Variants in ANKRD11 observed in about 807,000 individuals in gnomAD.
ANKRD11 encodes the protein ankyrin repeat domain 11.
In ANKRD11, 17 loss-of-function variants were observed where a neutral mutation model predicts 195.7. The observed-to-expected ratio is 0.09, with a 90% CI of 0.06 to 0.13. The LOEUF is 0.13. ANKRD11 is among the 10% of genes least tolerant of loss of function. The pLI is 1.00. For missense variants in ANKRD11, 3,735 were observed against 3,566.1 expected, an observed-to-expected ratio of 1.05 and a Z score of -1.21; for synonymous variants, 1,953 against 1,528.1, an observed-to-expected ratio of 1.28 and a Z score of -6.49.
At position 89,479,365 on chromosome 16, in the gene ANKRD11, G is replaced by A. The variant is rs140183536; in HGVS notation, c.-145+10880C>T. Among the ~76,000 whole-genome samples the A allele has an allele frequency of 3.2e-3, 481 of 152,256 alleles. 3 individuals are homozygous for A. The highest frequency in any genetic ancestry group is 0.011 in the African/African-American group (450 of 41,560). On this transcript the variant is annotated intron_variant, in intron 1 of 12. Transcript: ENST00000301030. ...AAAAATATCTAGGCCTGGCGCAGTGGCTCACACCTGCAATCCCAGCACTTA... is the reference window on the plus strand; with the variant it reads ...AAAAATATCTAGGCCTGGCGCAGTGACTCACACCTGCAATCCCAGCACTTA...
intron 2 of ANKRD11, among the ~76,000 whole-genome samples, chr16:89,353,992 C>A (rs1287905939): frequency 2.6e-5 from 4 of 152,132 alleles, no homozygotes. Context: ...TGTGAACCAG[C>A]CCAGCTGAAT....
intron 1 of ANKRD11, among the ~76,000 whole-genome samples, chr16:89,450,648 T>C (rs1252527376): frequency 6.6e-6 from 1 of 152,246 alleles, no homozygotes; most frequent in East Asian, 1.9e-4. Context: ...TCCTACTTTC[T>C]CCAAATTCTC....
chr16:89,424,834 G>T (rs552969729), intron 1 of ANKRD11, among the ~76,000 whole-genome samples: 8 of 152,236 alleles, frequency 5.3e-5, no homozygotes, highest in African/African-American at 1.7e-4. Flanking sequence ...CAGGGACGGG[G>T]GCCCCCAGTG....
chr16:89,457,877 AG>A (rs1172981504), intron 1 of ANKRD11, among the ~76,000 whole-genome samples: 1 of 152,182 alleles, frequency 6.6e-6, no homozygotes, highest in East Asian at 1.9e-4. Context: ...GAAACACACA[AG>A]TGTGGAGCTG....
chr16:89,303,648 C>G (rs1341625234), intron 4 of ANKRD11, among the ~76,000 whole-genome samples: 2 of 152,214 alleles, frequency 1.3e-5, no homozygotes, highest in East Asian at 1.9e-4. Flanking sequence ...CTGGGAAAAC[C>G]AGCCCTCTCT....
At chr16:89,419,547 A>G (rs112155730) in intron 1 of ANKRD11, among the ~76,000 whole-genome samples, 1,601 of 151,756 alleles carry the variant, frequency 0.011, 31 homozygotes, top group African/African-American at 0.036. Context: ...TAAATGGGGG[A>G]AAAAAAATCT....
At chr16:89,414,021 C>T (rs1026123407) in intron 2 of ANKRD11, among the ~76,000 whole-genome samples, 1 of 149,364 alleles carries the variant, frequency 6.7e-6, no homozygotes, top group African/African-American at 2.5e-5. Context: ...CAGCCACCAC[C>T]ACGGGCCTGC....
rs1334980016 is a variant in ANKRD11 at position 89,283,703 on chromosome 16, C to T, written c.2839G>A (p.Ala947Thr). The change falls in exon 9 of 13, where the codon GCC becomes ACC. Residue 947 changes from alanine (A) to threonine (T), a missense_variant. Physicochemically the swap from Ala to Thr is moderately conservative, Grantham distance 58. Transcript: ENST00000301030. This position sits in a 1 kb window ranked among gnomAD's most constrained non-coding sequence, Gnocchi z 4.3. ...KDKKRRESAEAGRDRKDALES... is the reference protein window; with the variant it reads ...KDKKRRESAETGRDRKDALES... ...AGGGCGTCCTTTCTGTCCCGCCCGG[C>T]CTCTGCGGACTCTCTCCTCTTCTTG... 6.2e-7 allele frequency: 1 copy of T among 1,613,458 alleles called. No individual in the cohort carries two copies. The highest frequency in any genetic ancestry group is 1.1e-5 in the South Asian group (1 of 91,088).
In ANKRD11 at chr16:89,279,519, C is replaced by T. The variant is rs1385859131; in HGVS notation, c.7023G>A (p.Ala2341=). Residue 2341 remains alanine (A), a synonymous_variant, in exon 9 of 13, where the codon GCG becomes GCA. Coordinates refer to ENST00000301030, the MANE Select transcript of ANKRD11 (RefSeq NM_013275.6). This position sits in a 1 kb window ranked among gnomAD's most constrained non-coding sequence, Gnocchi z 5.6. ...EIPQRMTRNR[A]QMLANQSKQG... ...GCTTGCTCTGGTTCGCGAGCATCTG[C>T]GCCCGGTTCCTGGTCATGCGCTGAG... 3.6e-6 allele frequency: 5 copies of T among 1,375,114 alleles called. No individual in the cohort carries two copies. The highest frequency in any genetic ancestry group is 2.9e-5 in the African/African-American group (2 of 69,330). The allele number at this position is 1,375,114 out of a possible 1,614,324, so 85.2% of individuals were successfully genotyped here. A position where few individuals can be genotyped will look rare whatever the true frequency, so the allele number is the denominator to read the frequency against.
chr16:89,440,998 G>C (rs2043431891), intron 1 of ANKRD11, among the ~76,000 whole-genome samples: 1 of 152,174 alleles, frequency 6.6e-6, no homozygotes. Context: ...AGCACTTTGG[G>C]AGGCCGAGGC....
At chr16:89,378,395 G>T (rs1219238987) in intron 2 of ANKRD11, among the ~76,000 whole-genome samples, 1 of 152,166 alleles carries the variant, frequency 6.6e-6, no homozygotes, top group Non-Finnish European at 1.5e-5. Context: ...TCATCAACGT[G>T]TATGTCAACC....
intron 11 of ANKRD11, among the ~76,000 whole-genome samples, chr16:89,274,478 G>A (rs1041719447): frequency 1.3e-5 from 2 of 152,168 alleles, no homozygotes; most frequent in Non-Finnish European, 2.9e-5. Context: ...AGTTTAAACA[G>A]AAAATAATGC....
At chr16:89,348,252 A>C (rs1414563527) in intron 2 of ANKRD11, among the ~76,000 whole-genome samples, 1 of 152,188 alleles carries the variant, frequency 6.6e-6, no homozygotes. Flanking sequence ...TTTTTTAAAA[A>C]AATCTTCTTA....
intron 4 of ANKRD11, chr16:89,301,175 C>T (rs947520787): frequency 1.3e-5 from 6 of 465,652 alleles, no homozygotes; most frequent in South Asian, 1.2e-4. Context: ...GGCGCAATCA[C>T]GGCTCACTGC....
intron 2 of ANKRD11, among the ~76,000 whole-genome samples, chr16:89,322,941 T>G (rs142487610): frequency 1.3e-5 from 2 of 152,344 alleles, no homozygotes; most frequent in Non-Finnish European, 2.9e-5. Context: ...CCTCCTGGGC[T>G]CAAGCTATCC....
At chr16:89,329,979 A>G (rs1275135537) in intron 2 of ANKRD11, among the ~76,000 whole-genome samples, 1 of 149,454 alleles carries the variant, frequency 6.7e-6, no homozygotes, top group Non-Finnish European at 1.5e-5. Context: ...GACAGACAAG[A>G]GTGAGACCTT....
In ANKRD11 at chr16:89,280,789, T is replaced by C. The variant is rs1597444107; in HGVS notation, c.5753A>G (p.Gln1918Arg). ...PPDLDTSEDQ[Q>R]ATAAIIPPEP... is the part of the protein sequence containing the mutation. ...CGGGGGGATGATGGCGGCCGTCGCC[T>C]GCTGGTCCTCGGAGGTGTCCAGGTC... The change falls in exon 9 of 13, where the codon CAG becomes CGG. Residue 1918 changes from glutamine (Q) to arginine (R), a missense_variant. By Grantham distance (43) the Gln-to-Arg change is conservative. Coordinates refer to ENST00000301030, the MANE Select transcript of ANKRD11 (RefSeq NM_013275.6). 5 of 1,610,960 alleles carry C rather than the reference T, an allele frequency of 3.1e-6. No homozygotes were observed. Among genetic ancestry groups the C allele is most frequent in the Non-Finnish European group, 4.2e-6 (5 of 1,177,916 alleles).
intron 7 of ANKRD11, 152 bp downstream of exon 7, chr16:89,288,376 G>C (rs1023545501): frequency 2.6e-5 from 32 of 1,246,764 alleles, no homozygotes; most frequent in Non-Finnish European, 3.6e-5. Flanking sequence ...GGGGCAGACA[G>C]AGGGCACAGC....
At chr16:89,436,304 A>G (rs572101082) in intron 1 of ANKRD11, among the ~76,000 whole-genome samples, 1 of 152,186 alleles carries the variant, frequency 6.6e-6, no homozygotes, top group African/African-American at 2.4e-5. Flanking sequence ...AGTCCCAGCT[A>G]CGTGGGAGGC....
Sources: allele counts gnomAD v4.1 joint callset (sites outside exome capture counted in the v4.1 genomes callset), GRCh38; gene constraint gnomAD v4.1.1; non-coding constraint Gnocchi (gnomAD v3.1); transcripts MANE v1.5; gene names NCBI Gene and HGNC (gene_info 2026-07-23, HGNC 2026-07-21).